The following LILRB2 variants were observed in gnomAD, a reference collection of about 807,000 sequenced individuals.
LILRB2 encodes the protein leukocyte immunoglobulin like receptor B2.
In LILRB2, 47 loss-of-function variants were observed where a neutral mutation model predicts 72.7. The observed-to-expected ratio is 0.65, with a 90% CI of 0.51 to 0.82. The LOEUF (loss-of-function observed/expected upper bound fraction) is 0.82. Among genes scored for constraint, LILRB2 ranks in the 40% least tolerant of loss-of-function variants. The probability of loss-of-function intolerance (pLI) is 0.00; values close to 1 mark genes in which losing one functional copy is unlikely to be tolerated. For synonymous variants in LILRB2, 279 were observed against 313.7 expected (o/e 0.89, Z 1.17); for missense variants, 767 against 764.8 (o/e 1.00, Z -0.03).
At chr19:54,274,913 T>C (rs1481622627) in intron 13 of LILRB2, 84 bp from the exon 14 acceptor site, 3 of 1,609,328 alleles carry the variant, frequency 1.9e-6, no homozygotes, top group Non-Finnish European at 2.5e-6. Context: ...ACTCTCTCAG[T>C]GTCCATCTGT....
At chr19:54,277,303 C>T in intron 9 of LILRB2, 1 of 1,369,314 alleles carries the variant, frequency 7.3e-7, no homozygotes, top group Non-Finnish European at 1.0e-6. Context: ...GGACAGGCCC[C>T]CGCGGAATCG....
At position 54,274,667 on chromosome 19, in the gene LILRB2, C is replaced by T; in HGVS notation, c.*16G>A. 6.2e-7 allele frequency: 1 copy of T among 1,614,030 alleles called. No individual in the cohort carries two copies. Among genetic ancestry groups the T allele is most frequent in the Non-Finnish European group, 8.5e-7 (1 of 1,180,016 alleles). On this transcript the variant is annotated 3_prime_UTR_variant, in exon 14 of 14. Transcript: ENST00000314446. The stretch of plus-strand genomic sequence containing the variant: ...AGTCTCCTTCTACTGAGTGTGGAGT[C>T]TGCGTACCCTCCGGGCTAGTGGATG...
rs370713732 is a variant in LILRB2, at chr19:54,279,424, C to T, written c.579G>A (p.Ser193=). 38 of 1,614,180 alleles carry T rather than the reference C, an allele frequency of 2.4e-5. No homozygotes were observed. The highest frequency in any genetic ancestry group is 4.5e-5 in the East Asian group (2 of 44,874). ...VGPVSPNRRW[S]HRCYGYDLNS... is the part of the protein sequence containing the mutation. ...TCAAGTCATAACCATAGCACCTGTG[C>T]GACCACCTGCGATTCGGGCTCACGG... is the stretch of plus-strand genomic sequence containing the variant. Residue 193 remains serine (S), a synonymous_variant, in exon 5 of 14, where the codon TCG becomes TCA. Coordinates refer to ENST00000314446, the MANE Select transcript of LILRB2 (RefSeq NM_001080978.4).
intron 6 of LILRB2, 93 bp downstream of exon 6, chr19:54,278,718 AC>A (rs1345669495): frequency 6.1e-6 from 9 of 1,486,174 alleles, no homozygotes; most frequent in Non-Finnish European, 6.3e-6. Context: ...CCTTGGGACC[AC>A]CCCCCGCCTC....
rs147377983 is a variant in LILRB2 at position 54,280,549 on chromosome 19, C to T, written c.-48-5G>A. The T allele has an allele frequency of 4.3e-4, 697 of 1,613,798 alleles. 1 individual carries two copies. Among genetic ancestry groups the T allele is most frequent in the African/African-American group, 3.5e-3 (259 of 74,966 alleles). Reference sequence around the variant, plus strand: ...CGGATGGATGAGCCCTCGGTGCTGGCGGGACAGAGACACACAGAGAGAAAT... The same window carrying T: ...CGGATGGATGAGCCCTCGGTGCTGGTGGGACAGAGACACACAGAGAGAAAT... On this transcript the variant is annotated splice_region_variant and splice_polypyrimidine_tract_variant and intron_variant, in intron 1 of 13. Transcript: ENST00000314446.
chr19:54,274,804 T>C lies in LILRB2; in HGVS notation c.1673A>G (p.Asp558Gly), dbSNP rs2080143921. Residue 558 changes from aspartate (D) to glycine (G), a missense_variant, in exon 14 of 14, where the codon GAT (aspartate) becomes GGT (glycine). Coordinates refer to ENST00000314446, the MANE Select transcript of LILRB2 (RefSeq NM_001080978.4). ...TRAAASEAPQ[D>G]VTYAQLHSLT... ...GCTGTGCAGCTGGGCGTAGGTCACATCCTGGGGGGCTTCAGATGCAGCAGC... is the reference window on the plus strand; with the variant it reads ...GCTGTGCAGCTGGGCGTAGGTCACACCCTGGGGGGCTTCAGATGCAGCAGC... 2.5e-6 allele frequency: 4 copies of C among 1,585,120 alleles called. No individual in the cohort carries two copies. The highest frequency in any genetic ancestry group is 3.4e-6 in the Non-Finnish European group (4 of 1,166,838).
At position 54,279,469 on chromosome 19, in the gene LILRB2, G is replaced by A; in HGVS notation, c.534C>T (p.Arg178=). Residue 178 remains arginine, a synonymous_variant, in exon 5 of 14, where the codon CGC becomes CGT. Coordinates refer to ENST00000314446, the MANE Select transcript of LILRB2 (RefSeq NM_001080978.4). ...TCACGGGGCCCACGGAGAAGATGGC[G>A]CGGGACGACCCACGGGCATGGGGCT... ...NSQPHARGSS[R]AIFSVGPVSP... 11 of 1,597,760 alleles carry A rather than the reference G, an allele frequency of 6.9e-6. No individual in the cohort carries two copies. Among genetic ancestry groups the A allele is most frequent in the African/African-American group, 1.4e-5 (1 of 70,158 alleles).
intron 5 of LILRB2, 106 bp from the exon 6 acceptor site, chr19:54,279,214 C>G (rs1305445079): frequency 5.5e-5 from 85 of 1,544,164 alleles, no homozygotes; most frequent in Non-Finnish European, 6.6e-5. Flanking sequence ...GTGTCTCTGG[C>G]CCCAGGACCC....
In LILRB2 at chr19:54,280,530, G is replaced by T. The variant is rs1304643524; in HGVS notation, c.-34C>A. The T allele has an allele frequency of 1.2e-6, 2 of 1,613,994 alleles. 1 individual carries two copies. The highest frequency in any genetic ancestry group is 1.7e-6 in the Non-Finnish European group (2 of 1,179,958). ...CTCCCACTGCCCTGCTCTGCGGATG[G>T]ATGAGCCCTCGGTGCTGGCGGGACA... On this transcript the variant is annotated 5_prime_UTR_variant, in exon 2 of 14. Coordinates refer to ENST00000314446, the MANE Select transcript of LILRB2 (RefSeq NM_001080978.4).
At chr19:54,278,754 C>T in intron 6 of LILRB2, 58 bp downstream of exon 6, 8 of 1,557,926 alleles carry the variant, frequency 5.1e-6, no homozygotes, top group Non-Finnish European at 7.0e-6. Flanking sequence ...TAATTGGATT[C>T]CCCCGGCAGG....
At chr19:54,280,229 G>T (rs369304022) in intron 3 of LILRB2, 35 bp downstream of exon 3, 6 of 1,613,720 alleles carry the variant, frequency 3.7e-6, no homozygotes, top group Middle Eastern at 1.7e-4. Flanking sequence ...CCCCAGTGAG[G>T]AGGAGGGACC....
chr19:54,279,838 C>T lies in LILRB2; in HGVS notation c.308G>A (p.Arg103His), dbSNP rs73055442. The T allele has an allele frequency of 0.03, 48,489 of 1,614,048 alleles. 924 individuals carry two copies. The highest frequency in any genetic ancestry group is 0.042 in the South Asian group (3,810 of 91,076). The part of the protein sequence containing the change: ...TGRYGCQYYS[R>H]ARWSELSDPL... The stretch of plus-strand genomic sequence containing the variant: ...GTCACTGAGCTCAGACCACCGAGCG[C>T]GGCTGTAATACTGACAGCCATATCG... Residue 103 changes from arginine to histidine, a missense_variant, in exon 4 of 14, where the codon CGC becomes CAC. Physicochemically the swap from Arg to His is conservative, Grantham distance 29. Transcript: ENST00000314446.
intron 13 of LILRB2, 111 bp downstream of exon 13, chr19:54,275,840 G>A: frequency 1.5e-6 from 2 of 1,366,738 alleles, no homozygotes; most frequent in Non-Finnish European, 2.1e-6. Flanking sequence ...GGACAAGGAG[G>A]GGTCCACCGT....
In LILRB2 at chr19:54,278,448, G is replaced by A. The variant is rs779215023; in HGVS notation, c.1070C>T (p.Thr357Ile). 2.5e-6 allele frequency: 4 copies of A among 1,614,190 alleles called. No homozygotes were observed. The highest frequency in any genetic ancestry group is 2.2e-5 in the South Asian group (2 of 91,082). The change falls in exon 7 of 14, where the codon ACC (threonine) becomes ATC (isoleucine). Residue 357 changes from threonine (T) to isoleucine (I), a missense_variant. Thr to Ile is a moderately conservative substitution (Grantham distance 89). Around this residue, in one of 3 missense-constraint regions of LILRB2, gnomAD observed 599 missense variants for 568.2 expected, o/e 1.05. Transcript: ENST00000314446. ...TGGGGCATCAGCTGCTCCCGCCTTG[G>A]TCAGAAGGAAAGTGTGGAACTGCCG... ...SWRQFHTFLL[T>I]KAGAADAPLR...
chr19:54,279,071 A>T lies in LILRB2; in HGVS notation c.696T>A (p.Gly232=). The T allele has an allele frequency of 6.2e-7, 1 of 1,613,966 alleles. No homozygotes were observed. Among genetic ancestry groups the T allele is most frequent in the Non-Finnish European group, 8.5e-7 (1 of 1,179,928 alleles). The change falls in exon 6 of 14, where the codon GGT becomes GGA. Residue 232 remains glycine (G), a synonymous_variant. Transcript: ENST00000314446. ...SKKPSLSVQP[G]PVMAPGESLT... is the part of the protein sequence containing the mutation. ...GGCTTTCCCCAGGGGCCATGACAGG[A>T]CCCGGCTGCACTGAGAGTGATGGCT... is the stretch of plus-strand genomic sequence containing the variant.
At chr19:54,275,201 G>A (rs2080165789) in intron 13 of LILRB2, 2 of 1,231,898 alleles carry the variant, frequency 1.6e-6, no homozygotes, top group African/African-American at 3.0e-5. Context: ...AGGCCGTGGA[G>A]GGTCTGGCCG....
chr19:54,278,093 C>T (rs746357623), intron 7 of LILRB2, 154 bp from the exon 8 acceptor site: 22 of 1,152,696 alleles, frequency 1.9e-5, no homozygotes, highest in East Asian at 2.6e-5. Context: ...GCTGAGTGTG[C>T]GCAGGCCTGG....
chr19:54,275,481 A>C (rs8110114), intron 13 of LILRB2: 10,046 of 504,128 alleles, frequency 0.02, 252 homozygotes, highest in African/African-American at 0.09. Context: ...ATGTTCCTTT[A>C]AGCACGTTGC....
chr19:54,277,773 C>G, intron 8 of LILRB2, 116 bp downstream of exon 8: 1 of 1,321,162 alleles, frequency 7.6e-7, no homozygotes, highest in South Asian at 1.3e-5. Flanking sequence ...CTCTGCCCAG[C>G]TCCCTGGACA....
Sources: gnomAD v4.1 joint callset for allele counts on GRCh38, gnomAD v4.1.1 for gene constraint, gnomAD v4.1.1 regional missense constraint, MANE v1.5 for transcripts, NCBI Gene and HGNC (gene_info 2026-07-23, HGNC 2026-07-21) for gene names.